Variants in PDGFRL observed in about 807,000 individuals in gnomAD.
PDGFRL encodes platelet-derived growth factor receptor-like protein.
PDGFRL carries 46 observed loss-of-function variants against 37.2 expected under a neutral mutation model. That is an observed-to-expected ratio of 1.24 (90% CI 0.98 to 1.58). The LOEUF is 1.58. Ranked by LOEUF, PDGFRL falls within the 40% of genes most tolerant of loss-of-function variation. The pLI is 0.00. For synonymous variants in PDGFRL, 251 were observed against 184.3 expected (o/e 1.36, Z -2.93); for missense variants, 692 against 467.6 (o/e 1.48, Z -4.43).
chr8:17,642,817 G>A lies in PDGFRL; in HGVS notation c.*16G>A. 6.5e-7 allele frequency: 1 copy of A among 1,549,258 alleles called. No homozygotes were observed. Among genetic ancestry groups the A allele is most frequent in the Non-Finnish European group, 8.9e-7 (1 of 1,122,912 alleles). ...GTTTTCCTGACTTGGAAAAGGAAAT[G>A]TAATGAACTTATGGAAAGCCCATTT... is the stretch of plus-strand genomic sequence containing the variant. On this transcript the variant is annotated 3_prime_UTR_variant, in exon 6 of 6. Coordinates refer to ENST00000251630, the MANE Select transcript of PDGFRL (RefSeq NM_001372073.1).
At chr8:17,612,490 C>G (rs1804440492) in intron 2 of PDGFRL, among the ~76,000 whole-genome samples, 1 of 152,124 alleles carries the variant, frequency 6.6e-6, no homozygotes, top group Admixed American at 6.5e-5. Flanking sequence ...CCTGCCTCAG[C>G]CTTCTGAGTA....
intron 5 of PDGFRL, among the ~76,000 whole-genome samples, chr8:17,640,350 A>G (rs1805065869): frequency 6.6e-6 from 1 of 152,138 alleles, no homozygotes; most frequent in Admixed American, 6.5e-5. Flanking sequence ...TGTTAAAGAA[A>G]CTTGTTTTGA....
At chr8:17,586,631 CAT>C (rs1803823643) in intron 1 of PDGFRL, among the ~76,000 whole-genome samples, 1 of 151,824 alleles carries the variant, frequency 6.6e-6, no homozygotes, top group African/African-American at 2.4e-5. Context: ...ATAGAGATCT[CAT>C]GTGACAACCA....
intron 1 of PDGFRL, among the ~76,000 whole-genome samples, chr8:17,588,416 C>T (rs1480211010): frequency 1.3e-5 from 2 of 152,066 alleles, no homozygotes; most frequent in Admixed American, 6.5e-5. Flanking sequence ...GTGGCTCACA[C>T]CTATAATTGC....
chr8:17,585,255 T>C (rs1256161004), intron 1 of PDGFRL, among the ~76,000 whole-genome samples: 1 of 152,166 alleles, frequency 6.6e-6, no homozygotes, highest in African/African-American at 2.4e-5. Context: ...CTGTGACCTG[T>C]ATCTTGAGCC....
intron 4 of PDGFRL, among the ~76,000 whole-genome samples, chr8:17,629,508 G>A (rs531185531): frequency 6.6e-6 from 1 of 152,164 alleles, no homozygotes; most frequent in South Asian, 2.1e-4. Context: ...TGTACCCATT[G>A]CCACCTGCCA....
intron 1 of PDGFRL, among the ~76,000 whole-genome samples, chr8:17,580,783 C>T (rs1203056370): frequency 1.3e-5 from 2 of 152,130 alleles, no homozygotes; most frequent in East Asian, 3.9e-4. Flanking sequence ...GTGTCAGCAG[C>T]ACCACACAGC....
At chr8:17,596,424 T>A (rs1443823528) in intron 2 of PDGFRL, 11 of 616,098 alleles carry the variant, frequency 1.8e-5, no homozygotes, top group Non-Finnish European at 2.3e-5. Flanking sequence ...AAAGTCAGAT[T>A]CATGCACTTT....
In PDGFRL at chr8:17,642,939, C is replaced by T; in HGVS notation, c.*138C>T. 1.7e-6 allele frequency: 1 copy of T among 599,124 alleles called. No homozygotes were observed. The highest frequency in any genetic ancestry group is 2.1e-5 in the South Asian group (1 of 46,578). 37.1% of individuals were successfully genotyped at this position (599,124 alleles called of 1,614,324 possible). A position where few individuals can be genotyped will look rare whatever the true frequency, so the allele number is the denominator to read the frequency against. On this transcript the variant is annotated 3_prime_UTR_variant, in exon 6 of 6. Transcript: ENST00000251630. ...AACCCCAGCGTCTCGTGAGTCCGAC[C>T]CAGACATCCAAACTAAAAGGAAGTC...
intron 2 of PDGFRL, among the ~76,000 whole-genome samples, chr8:17,592,018 C>T (rs1258684786): frequency 6.6e-6 from 1 of 152,160 alleles, no homozygotes; most frequent in Non-Finnish European, 1.5e-5. Flanking sequence ...TGCAGAAATT[C>T]ATCTCCCTCA....
At chr8:17,600,277 G>A (rs1287306356) in intron 2 of PDGFRL, among the ~76,000 whole-genome samples, 1 of 152,046 alleles carries the variant, frequency 6.6e-6, no homozygotes, top group Admixed American at 6.5e-5. Flanking sequence ...GTGAAGCATC[G>A]TGTCTTGGCC....
At chr8:17,581,901 G>A (rs1308277239) in intron 1 of PDGFRL, among the ~76,000 whole-genome samples, 2 of 152,092 alleles carry the variant, frequency 1.3e-5, no homozygotes, top group African/African-American at 2.4e-5. Context: ...CAAGGAGTGG[G>A]ATATTGCTAT....
At chr8:17,625,096 C>A (rs866871208) in intron 3 of PDGFRL, among the ~76,000 whole-genome samples, 2 of 150,538 alleles carry the variant, frequency 1.3e-5, no homozygotes, top group Non-Finnish European at 3.0e-5. Flanking sequence ...CCCATTAACT[C>A]GTCATTTAGC....
At chr8:17,641,097 C>T (rs1236102615) in intron 5 of PDGFRL, among the ~76,000 whole-genome samples, 1 of 152,150 alleles carries the variant, frequency 6.6e-6, no homozygotes, top group Admixed American at 6.5e-5. Context: ...CCACGTAGCC[C>T]AAAGGGCCGG....
At chr8:17,605,494 T>A (rs918428652) in intron 2 of PDGFRL, among the ~76,000 whole-genome samples, 3 of 152,220 alleles carry the variant, frequency 2.0e-5, no homozygotes, top group Admixed American at 2.0e-4. Context: ...ACATTTTGTT[T>A]CTTGAATCTC....
At chr8:17,581,331 T>G (rs1803703273) in intron 1 of PDGFRL, among the ~76,000 whole-genome samples, 1 of 152,154 alleles carries the variant, frequency 6.6e-6, no homozygotes, top group South Asian at 2.1e-4. Flanking sequence ...GCTGTGGCTG[T>G]GATGCGTGGG....
At chr8:17,630,443 C>G (rs1285861834) in intron 4 of PDGFRL, among the ~76,000 whole-genome samples, 1 of 152,140 alleles carries the variant, frequency 6.6e-6, no homozygotes, top group East Asian at 1.9e-4. Context: ...TTGGTCATGT[C>G]GAGTTTCCCT....
At chr8:17,584,470 A>C (rs926061654) in intron 1 of PDGFRL, among the ~76,000 whole-genome samples, 73 of 152,056 alleles carry the variant, frequency 4.8e-4, no homozygotes, top group African/African-American at 1.4e-3. Flanking sequence ...GTGTGAGGTC[A>C]CTTAGAGAGT....
chr8:17,609,647 A>AAAAT (rs1804363314), intron 2 of PDGFRL, among the ~76,000 whole-genome samples: 1 of 121,662 alleles, frequency 8.2e-6, no homozygotes, highest in Non-Finnish European at 1.8e-5. Flanking sequence ...AAAAAAAAAA[A>AAAAT]AAAAAAAAAA....
Sources: allele counts gnomAD v4.1 joint callset (sites outside exome capture counted in the v4.1 genomes callset), GRCh38; gene constraint gnomAD v4.1.1; transcripts MANE v1.5; gene names NCBI Gene and HGNC (gene_info 2026-07-23, HGNC 2026-07-21).